The following MTSS1 variants were observed in gnomAD, a reference collection of about 807,000 sequenced individuals.
The protein encoded by MTSS1 is protein MTSS 1.
A neutral mutation model predicts 79.0 loss-of-function variants in MTSS1; 18 were observed. The ratio of observed to expected loss-of-function variants is 0.23; its 90% CI spans 0.16 to 0.34. MTSS1 has a LOEUF of 0.34. Among genes scored for constraint, MTSS1 ranks in the 10% least tolerant of loss-of-function variants. The pLI is 1.00. For synonymous variants in MTSS1, 341 were observed against 368.6 expected (o/e 0.93, Z 0.86); for missense variants, 815 against 986.2 (o/e 0.83, Z 2.33).
chr8:124,664,681 T>C (rs980226153), intron 3 of MTSS1, among the ~76,000 whole-genome samples: 11 of 152,068 alleles, frequency 7.2e-5, no homozygotes, highest in Non-Finnish European at 1.3e-4. Flanking sequence ...AATAGCAAAA[T>C]CCGCAACGAG....
intron 3 of MTSS1, among the ~76,000 whole-genome samples, chr8:124,664,621 G>C (rs1436135535): frequency 6.6e-6 from 1 of 152,150 alleles, no homozygotes; most frequent in Non-Finnish European, 1.5e-5. Context: ...TGGTAACATA[G>C]AATTGCAGGC....
chr8:124,591,316 G>T, intron 3 of MTSS1, 81 bp from the exon 4 acceptor site: 1 of 1,170,866 alleles, frequency 8.5e-7, no homozygotes, highest in Non-Finnish European at 1.3e-6. Context: ...TTACAAACAA[G>T]TCAGATTTCA....
chr8:124,605,936 T>C (rs996662803), intron 3 of MTSS1, among the ~76,000 whole-genome samples: 2 of 151,520 alleles, frequency 1.3e-5, no homozygotes, highest in Admixed American at 6.6e-5. Context: ...ACTCCTCTTA[T>C]AGGTACCATT....
chr8:124,715,054 C>A (rs1416503229), intron 1 of MTSS1, among the ~76,000 whole-genome samples: 1 of 152,180 alleles, frequency 6.6e-6, no homozygotes, highest in Non-Finnish European at 1.5e-5. Flanking sequence ...GCTTGCACAC[C>A]CTATGAAATG....
At chr8:124,655,002 G>C (rs1051698547) in intron 3 of MTSS1, among the ~76,000 whole-genome samples, 1 of 152,174 alleles carries the variant, frequency 6.6e-6, no homozygotes, top group African/African-American at 2.4e-5. Flanking sequence ...AATATCAAAG[G>C]CACTCTATTC....
At chr8:124,693,033 C>G (rs1245938806) in intron 3 of MTSS1, among the ~76,000 whole-genome samples, 2 of 152,016 alleles carry the variant, frequency 1.3e-5, no homozygotes, top group Non-Finnish European at 2.9e-5. Flanking sequence ...AGTTTACTTC[C>G]TGAGGGAAGA....
chr8:124,663,267 AGACT>A (rs796319950), intron 3 of MTSS1, among the ~76,000 whole-genome samples: 21 of 152,312 alleles, frequency 1.4e-4, no homozygotes, highest in African/African-American at 5.1e-4. Context: ...ACAGACAGAC[AGACT>A]GACAGACACA....
chr8:124,669,801 T>C (rs145119130), intron 3 of MTSS1, among the ~76,000 whole-genome samples: 37 of 152,292 alleles, frequency 2.4e-4, no homozygotes, highest in African/African-American at 8.9e-4. Flanking sequence ...AGAAAGTGGA[T>C]AGCTACAGAA....
intron 3 of MTSS1, among the ~76,000 whole-genome samples, chr8:124,688,312 G>C (rs1324437389): frequency 6.7e-6 from 1 of 149,220 alleles, no homozygotes; most frequent in Non-Finnish European, 1.5e-5. Context: ...GAATGTATGT[G>C]TATGTGTACA....
intron 3 of MTSS1, among the ~76,000 whole-genome samples, chr8:124,615,171 G>A (rs1241750812): frequency 6.6e-6 from 1 of 152,184 alleles, no homozygotes; most frequent in Non-Finnish European, 1.5e-5. Flanking sequence ...ATGGCAGTGA[G>A]AGGATTAGGT....
chr8:124,718,552 C>T lies in MTSS1; in HGVS notation c.72+9332G>A, dbSNP rs556028996. ...CGGGCTTTGAAGGTTCAGTAAACAG[C>T]CACTTCAAAACAAAGAGGGGCCATT... On this transcript the variant is annotated intron_variant, in intron 1 of 13. Transcript: ENST00000518547. Among the ~76,000 whole-genome samples the T allele has an allele frequency of 2.6e-5, 4 of 152,246 alleles. No individual in the cohort carries two copies. In the East Asian group the frequency reaches 7.7e-4, roughly 29 times the overall value.
At chr8:124,580,953 T>G (rs1378374497) in intron 6 of MTSS1, among the ~76,000 whole-genome samples, 1 of 151,968 alleles carries the variant, frequency 6.6e-6, no homozygotes, top group Non-Finnish European at 1.5e-5. Context: ...AAACAAAGCT[T>G]AGGGTGGGAT....
rs1401768714 is a variant in MTSS1 at position 124,565,696 on chromosome 8, T to C, written c.790A>G (p.Ser264Gly). 3.7e-6 allele frequency: 6 copies of C among 1,614,066 alleles called. No homozygotes were observed. The highest frequency in any genetic ancestry group is 1.3e-5 in the African/African-American group (1 of 74,982). Residue 264 changes from serine (S) to glycine (G), a missense_variant, in exon 9 of 14, where the codon AGC becomes GGC. This residue lies in a region of MTSS1 where 225 missense variants were observed against 365.4 expected (regional missense o/e 0.62). Coordinates refer to ENST00000518547, the MANE Select transcript of MTSS1 (RefSeq NM_014751.6). ...WSYQTPPSSP[S>G]TTMSRKSSVC... ...CTGGACTTTCTGGACATGGTGGTGC[T>C]GGGGGAAGAGGGTGGCGTCTGATAC...
At chr8:124,725,136 C>T (rs1352437495) in intron 1 of MTSS1, among the ~76,000 whole-genome samples, 1 of 152,200 alleles carries the variant, frequency 6.6e-6, no homozygotes, top group African/African-American at 2.4e-5. Flanking sequence ...CTAGCTGCTG[C>T]TTGCTTTACA....
chr8:124,585,834 A>G (rs1012618866), intron 5 of MTSS1, among the ~76,000 whole-genome samples: 7 of 152,308 alleles, frequency 4.6e-5, no homozygotes, highest in Admixed American at 4.6e-4. Context: ...AAAAAAACAA[A>G]CAAAAAACAA....
rs369853085 is a variant in MTSS1, at chr8:124,593,697, CG to C, written c.209-2463del. 3.5e-4 allele frequency among the ~76,000 whole-genome samples: 53 copies of C among 152,266 alleles called. No homozygotes were observed. The East Asian group carries it at 8.7e-3, about 25-fold the overall frequency. ...ATTTAATCCTCGCAGCACCTCCAGCCGCATCAGTACTGTGACCATCCCATGT... is the reference window on the plus strand; with the variant it reads ...ATTTAATCCTCGCAGCACCTCCAGCCCATCAGTACTGTGACCATCCCATGT... On this transcript the variant is annotated intron_variant, in intron 3 of 13. Coordinates refer to ENST00000518547, the MANE Select transcript of MTSS1 (RefSeq NM_014751.6).
chr8:124,681,342 T>G (rs1826099818), intron 3 of MTSS1, among the ~76,000 whole-genome samples: 1 of 152,204 alleles, frequency 6.6e-6, no homozygotes, highest in African/African-American at 2.4e-5. Flanking sequence ...GCAGCAAAGG[T>G]TCTGCTTCTA....
chr8:124,649,357 T>A (rs1181303583), intron 3 of MTSS1, among the ~76,000 whole-genome samples: 1 of 152,174 alleles, frequency 6.6e-6, no homozygotes, highest in Non-Finnish European at 1.5e-5. Context: ...TCCATCATTA[T>A]CAGCAGGAAG....
intron 3 of MTSS1, among the ~76,000 whole-genome samples, chr8:124,647,350 G>T (rs1009921170): frequency 1.3e-5 from 2 of 151,952 alleles, no homozygotes; most frequent in African/African-American, 2.4e-5. Context: ...CTTTATTAAG[G>T]GTATAGCTGA....
Sources: gnomAD v4.1 joint callset for allele counts (sites outside exome capture counted in the v4.1 genomes callset) on GRCh38, gnomAD v4.1.1 for gene constraint, gnomAD v4.1.1 regional missense constraint, MANE v1.5 for transcripts, NCBI Gene and HGNC (gene_info 2026-07-23, HGNC 2026-07-21) for gene names.